ERCC8: variants seen among roughly 807,000 people sequenced by gnomAD.
ERCC8 encodes ERCC excision repair 8, CSA ubiquitin ligase complex subunit, also known as DNA excision repair protein ERCC-8.
In ERCC8, 52 loss-of-function variants were observed where a neutral mutation model predicts 54.9. That is an observed-to-expected ratio of 0.95 (90% confidence interval 0.76 to 1.19). The LOEUF (loss-of-function observed/expected upper bound fraction) is 1.19. Ranked by LOEUF, ERCC8 falls within the 50% of genes most tolerant of loss-of-function variation. ERCC8 has a pLI of 0.00. For synonymous variants in ERCC8, 146 were observed against 157.2 expected, an observed-to-expected ratio of 0.93 and a Z score of 0.53; for missense variants, 514 against 466.1, an observed-to-expected ratio of 1.10 and a Z score of -0.95.
intron 1 of ERCC8, among the ~76,000 whole-genome samples, chr5:60,941,614 A>G (rs1312689022): frequency 1.3e-5 from 2 of 152,206 alleles, no homozygotes; most frequent in African/African-American, 4.8e-5. Context: ...AGAGATCTGC[A>G]ACCAGACACA....
intron 8 of ERCC8, among the ~76,000 whole-genome samples, 153 bp from the exon 9 acceptor site, chr5:60,898,553 A>C (rs989941406): frequency 1.3e-5 from 2 of 152,066 alleles, no homozygotes; most frequent in South Asian, 4.1e-4. Context: ...GATTATTTGA[A>C]TAGGATAAGC....
At chr5:60,877,442 T>C (rs1041178798) in intron 11 of ERCC8, among the ~76,000 whole-genome samples, 30 of 152,302 alleles carry the variant, frequency 2.0e-4, no homozygotes, top group Non-Finnish European at 3.1e-4. Context: ...GGGGATGGCA[T>C]TGAATCTATA....
chr5:60,925,865 C>T (rs576441452), intron 2 of ERCC8, among the ~76,000 whole-genome samples: 2 of 152,226 alleles, frequency 1.3e-5, no homozygotes, highest in Non-Finnish European at 2.9e-5. Flanking sequence ...GCTCTGTAGC[C>T]CAGACTGGAG....
At chr5:60,893,641 G>A (rs1219714809) in intron 9 of ERCC8, 8 of 565,900 alleles carry the variant, frequency 1.4e-5, no homozygotes, top group Non-Finnish European at 2.3e-5. Flanking sequence ...TTCCGGCGGG[G>A]ATCTGAGAAG....
chr5:60,879,180 T>C (rs182590978), intron 11 of ERCC8, among the ~76,000 whole-genome samples: 3,042 of 152,312 alleles, frequency 0.02, 121 homozygotes, highest in African/African-American at 0.07. Flanking sequence ...TGAGCGGTTT[T>C]GAGTGAGTTT....
chr5:60,892,538 G>A, intron 9 of ERCC8: 1 of 632,446 alleles, frequency 1.6e-6, no homozygotes. Context: ...GCTCCTGACT[G>A]TGTAAGTCTC....
chr5:60,922,010 C>G (rs1749613561), intron 3 of ERCC8, 44 bp downstream of exon 3: 1 of 1,372,108 alleles, frequency 7.3e-7, no homozygotes, highest in Non-Finnish European at 1.0e-6. Context: ...AAAAAATACT[C>G]AACTATTTAC....
chr5:60,898,990 G>C (rs565664538), intron 8 of ERCC8, among the ~76,000 whole-genome samples: 1 of 143,032 alleles, frequency 7.0e-6, no homozygotes, highest in East Asian at 2.0e-4. Flanking sequence ...AAATATATTA[G>C]AATGAACTAT....
intron 3 of ERCC8, among the ~76,000 whole-genome samples, chr5:60,921,705 T>G (rs1047829368): frequency 7.2e-5 from 11 of 151,938 alleles, no homozygotes; most frequent in African/African-American, 2.2e-4. Context: ...TATAATTAGC[T>G]GAAGGACTAT....
At chr5:60,927,556 A>G (rs1416472789) in intron 2 of ERCC8, among the ~76,000 whole-genome samples, 2 of 152,174 alleles carry the variant, frequency 1.3e-5, no homozygotes, top group Non-Finnish European at 1.5e-5. Flanking sequence ...GTAACTTCCC[A>G]TATTTCTCAC....
chr5:60,895,690 TA>T (rs1561500609), intron 9 of ERCC8, among the ~76,000 whole-genome samples: 1 of 152,170 alleles, frequency 6.6e-6, no homozygotes, highest in African/African-American at 2.4e-5. Context: ...TGCACAATGA[TA>T]TGGGGGTGGG....
rs537044647 is a variant in ERCC8, at chr5:60,873,685, A to C, written c.*930T>G. 2 of 152,364 alleles carry C rather than the reference A, an allele frequency of 1.3e-5. No individual in the cohort carries two copies. Among genetic ancestry groups the C allele is most frequent in the Admixed American group, 6.5e-5 (1 of 15,294 alleles). The allele number at this position is 152,364 out of a possible 1,614,324, so 9.4% of individuals were successfully genotyped here. A position where few individuals can be genotyped will look rare whatever the true frequency, so the allele number is the denominator to read the frequency against. On this transcript the variant is annotated 3_prime_UTR_variant, in exon 12 of 12. Coordinates refer to ENST00000676185, the MANE Select transcript of ERCC8 (RefSeq NM_000082.4). ...GAGTGAAACTCCATCTCAGGAAAAA[A>C]ACAAAAAAACAAAAAACCCTCAACA... is the stretch of plus-strand genomic sequence containing the variant.
At position 60,917,867 on chromosome 5, in the gene ERCC8, G is replaced by C. The variant is rs1427185522; in HGVS notation, c.399+398C>G. The C allele has an allele frequency of 1.0e-4, 21 of 208,246 alleles. No homozygotes were observed. The East Asian group carries it at 2.4e-3, about 23-fold the overall frequency. The allele number at this position is 208,246 out of a possible 1,614,324, so 12.9% of individuals were successfully genotyped here. ...CCTTCAAGTTTTTAGATCAATCAAAGATAAATCCAATTTTCTACTTTAGAT... is the reference window on the plus strand; with the variant it reads ...CCTTCAAGTTTTTAGATCAATCAAACATAAATCCAATTTTCTACTTTAGAT... On this transcript the variant is annotated intron_variant, in intron 4 of 11. Coordinates refer to ENST00000676185, the MANE Select transcript of ERCC8 (RefSeq NM_000082.4).
chr5:60,923,523 T>C (rs1003101688), intron 2 of ERCC8, among the ~76,000 whole-genome samples: 2 of 152,130 alleles, frequency 1.3e-5, no homozygotes, highest in Non-Finnish European at 2.9e-5. Context: ...GAAATAACAA[T>C]AGTTGATGAG....
rs1385045144 is a variant in ERCC8 at position 60,871,843 on chromosome 5, C to G, written c.*2772G>C. On this transcript the variant is annotated 3_prime_UTR_variant, in exon 12 of 12. Coordinates refer to ENST00000676185, the MANE Select transcript of ERCC8 (RefSeq NM_000082.4). ...AGACACAAGGTCTCGCCATGTCACC[C>G]AGGCTGGAGTGTAGTGACACGATCT... Among the ~76,000 whole-genome samples, 2 of 152,222 alleles carry G rather than the reference C, an allele frequency of 1.3e-5. No individual in the cohort carries two copies. The highest frequency in any genetic ancestry group is 4.8e-5 in the African/African-American group (2 of 41,550).
intron 1 of ERCC8, among the ~76,000 whole-genome samples, chr5:60,937,870 C>T (rs769752797): frequency 5.9e-5 from 9 of 151,972 alleles, no homozygotes; most frequent in Non-Finnish European, 7.4e-5. Flanking sequence ...ATATGCATCT[C>T]CATACACTGC....
intron 1 of ERCC8, among the ~76,000 whole-genome samples, chr5:60,938,071 ATATATATATATATATTTTAT>A (rs201758975): frequency 0.48 from 33,253 of 69,530 alleles, 5,825 homozygotes; most frequent in East Asian, 0.66. Context: ...ATATATATAT[ATATATATATATATATTTTAT>A]TTTTTTTTTT....
intron 1 of ERCC8, among the ~76,000 whole-genome samples, chr5:60,930,736 C>T (rs1045082506): frequency 1.3e-5 from 2 of 152,046 alleles, no homozygotes; most frequent in African/African-American, 4.8e-5. Context: ...ATATACATTG[C>T]AATTTAGCCT....
chr5:60,918,221 C>T (rs1252493807), intron 4 of ERCC8, 44 bp downstream of exon 4: 5 of 1,453,818 alleles, frequency 3.4e-6, no homozygotes, highest in Non-Finnish European at 2.9e-6. Context: ...ATTAAATTCT[C>T]CTTTATCCTA....
Sources: allele counts gnomAD v4.1 joint callset (sites outside exome capture counted in the v4.1 genomes callset), GRCh38; gene constraint gnomAD v4.1.1; transcripts MANE v1.5; gene names NCBI Gene and HGNC (gene_info 2026-07-23, HGNC 2026-07-21).